Variants in CNTN6 observed in about 807,000 individuals in gnomAD.
The protein encoded by CNTN6 is contactin-6.
CNTN6 carries 137 observed loss-of-function variants against 122.8 expected under a neutral mutation model. That is an observed-to-expected ratio of 1.12 (90% confidence interval 0.97 to 1.29). The LOEUF is 1.29. Ranked by LOEUF, CNTN6 falls within the 50% of genes most tolerant of loss-of-function variation. The pLI is 0.00. For synonymous variants in CNTN6, 570 were observed against 426.0 expected (o/e 1.34, Z -4.16); for missense variants, 1,634 against 1,223.4 (o/e 1.34, Z -5.01).
chr3:1,302,732 G>T (rs916190619), intron 7 of CNTN6, among the ~76,000 whole-genome samples: 3 of 152,052 alleles, frequency 2.0e-5, no homozygotes, highest in Non-Finnish European at 4.4e-5. Context: ...TGAGGTTGTA[G>T]ATTATTTTTG....
At chr3:1,283,899 T>C (rs1247700883) in intron 5 of CNTN6, among the ~76,000 whole-genome samples, 1 of 152,194 alleles carries the variant, frequency 6.6e-6, no homozygotes, top group East Asian at 1.9e-4. Context: ...ACTCTGGGGC[T>C]GAGGCAGGAG....
At chr3:1,126,411 T>C (rs1482324903) in intron 1 of CNTN6, among the ~76,000 whole-genome samples, 1 of 151,928 alleles carries the variant, frequency 6.6e-6, no homozygotes, top group Admixed American at 6.6e-5. Context: ...CAGAGAATGT[T>C]CAGTTTGACC....
chr3:1,276,463 T>A (rs901212288), intron 4 of CNTN6, among the ~76,000 whole-genome samples: 5 of 152,230 alleles, frequency 3.3e-5, no homozygotes, highest in Admixed American at 6.5e-5. Context: ...CCATTTTATT[T>A]GTATTTTAAA....
chr3:1,400,869 T>C (rs1170533774), intron 20 of CNTN6, among the ~76,000 whole-genome samples: 1 of 152,088 alleles, frequency 6.6e-6, no homozygotes, highest in Non-Finnish European at 1.5e-5. Flanking sequence ...TGTGGCTTTG[T>C]GACATTTTTT....
At chr3:1,112,027 C>G (rs1331414561) in intron 1 of CNTN6, among the ~76,000 whole-genome samples, 1 of 151,936 alleles carries the variant, frequency 6.6e-6, no homozygotes, top group Admixed American at 6.6e-5. Context: ...CCTAGGGGTG[C>G]CATAAAAATG....
chr3:1,101,513 A>G (rs2090895589), intron 1 of CNTN6, among the ~76,000 whole-genome samples: 3 of 152,084 alleles, frequency 2.0e-5, no homozygotes. Flanking sequence ...TCCGCTTTCC[A>G]TCATTTAGAA....
At chr3:1,339,637 G>T (rs955502347) in intron 11 of CNTN6, among the ~76,000 whole-genome samples, 1 of 152,128 alleles carries the variant, frequency 6.6e-6, no homozygotes, top group Non-Finnish European at 1.5e-5. Context: ...GAAGAGAAAA[G>T]TGGGAGGTAC....
chr3:1,311,452 A>T lies in CNTN6; in HGVS notation c.762-10198A>T, dbSNP rs1362293130. On this transcript the variant is annotated intron_variant, in intron 7 of 22. Transcript: ENST00000446702. ...ATATATGTACATATAAAATGTCTTTATATGTACATATATGTACATATAAAA... is the reference window on the plus strand; with the variant it reads ...ATATATGTACATATAAAATGTCTTTTTATGTACATATATGTACATATAAAA... 4.4e-3 allele frequency among the ~76,000 whole-genome samples: 374 copies of T among 84,672 alleles called. 39 individuals are homozygous for T. The highest frequency in any genetic ancestry group is 0.017 in the African/African-American group (355 of 21,332). 55.5% of individuals were successfully genotyped at this position (84,672 alleles called of 152,430 possible).
chr3:1,108,330 G>T (rs1297003695), intron 1 of CNTN6, among the ~76,000 whole-genome samples: 1 of 151,984 alleles, frequency 6.6e-6, no homozygotes, highest in African/African-American at 2.4e-5. Context: ...GGACCCAAGT[G>T]TAAAAACAAA....
chr3:1,221,454 C>T (rs1300490940), intron 3 of CNTN6, among the ~76,000 whole-genome samples: 1 of 152,116 alleles, frequency 6.6e-6, no homozygotes, highest in Non-Finnish European at 1.5e-5. Flanking sequence ...TGTGACTTCA[C>T]TGGTGGGTCA....
chr3:1,094,830 AT>A (rs1180406383), intron 1 of CNTN6, among the ~76,000 whole-genome samples: 2 of 151,962 alleles, frequency 1.3e-5, no homozygotes, highest in Non-Finnish European at 2.9e-5. Flanking sequence ...AAATTCTTTT[AT>A]GTGAGGAGAA....
intron 11 of CNTN6, among the ~76,000 whole-genome samples, chr3:1,342,670 T>C (rs1345543693): frequency 1.3e-5 from 2 of 152,170 alleles, no homozygotes; most frequent in South Asian, 2.1e-4. Flanking sequence ...AGAGATCTTA[T>C]TGCGACAATT....
intron 12 of CNTN6, among the ~76,000 whole-genome samples, chr3:1,367,965 G>C (rs562129675): frequency 6.6e-6 from 1 of 152,282 alleles, no homozygotes; most frequent in South Asian, 2.1e-4. Context: ...TCTCCATCCT[G>C]AGCACCAGAA....
intron 4 of CNTN6, among the ~76,000 whole-genome samples, chr3:1,234,446 T>C (rs2094396471): frequency 6.6e-6 from 1 of 152,132 alleles, no homozygotes; most frequent in African/African-American, 2.4e-5. Context: ...AGTTTCCAAA[T>C]TTCTTTAAAA....
At position 1,403,407 on chromosome 3, in the gene CNTN6, C is replaced by A; in HGVS notation, c.3076C>A (p.Pro1026Thr). Residue 1026 changes from proline to threonine, a missense_variant, in exon 23 of 23, where the codon CCA (proline) becomes ACA (threonine). Coordinates refer to ENST00000446702, the MANE Select transcript of CNTN6 (RefSeq NM_001289080.2). ...IVIFHCFAIQ[P>T]LI ...GATTTTTCACTGTTTTGCTATTCAG[C>A]CACTTATCTGATGAATAAAACCATA... The A allele has an allele frequency of 1.9e-6, 3 of 1,599,838 alleles. No individual in the cohort carries two copies. The highest frequency in any genetic ancestry group is 2.6e-6 in the Non-Finnish European group (3 of 1,168,304).
chr3:1,322,744 T>A (rs945195639), intron 8 of CNTN6, among the ~76,000 whole-genome samples: 1 of 151,592 alleles, frequency 6.6e-6, no homozygotes, highest in Admixed American at 6.6e-5. Flanking sequence ...ATATTGTGTG[T>A]CTGTAATATT....
At chr3:1,299,593 T>G (rs1696853434) in intron 7 of CNTN6, among the ~76,000 whole-genome samples, 1 of 152,208 alleles carries the variant, frequency 6.6e-6, no homozygotes, top group Admixed American at 6.5e-5. Context: ...ACGTTTTCAT[T>G]ACATATGAGA....
intron 1 of CNTN6, among the ~76,000 whole-genome samples, chr3:1,114,799 C>T (rs2091641527): frequency 6.6e-6 from 1 of 152,086 alleles, no homozygotes. Context: ...AAACAAAAAA[C>T]TAAATTTCAT....
At chr3:1,109,717 T>A (rs2091390499) in intron 1 of CNTN6, among the ~76,000 whole-genome samples, 3 of 152,086 alleles carry the variant, frequency 2.0e-5, no homozygotes, top group Admixed American at 2.0e-4. Flanking sequence ...TTTACCCAAG[T>A]TGTTGATGAT....
Sources: gnomAD v4.1 joint callset for allele counts (sites outside exome capture counted in the v4.1 genomes callset) on GRCh38, gnomAD v4.1.1 for gene constraint, MANE v1.5 for transcripts, NCBI Gene and HGNC (gene_info 2026-07-23, HGNC 2026-07-21) for gene names.